The following ADAMTS18 variants were observed in gnomAD, a reference collection of about 807,000 sequenced individuals.
The protein encoded by ADAMTS18 is A disintegrin and metalloproteinase with thrombospondin motifs 18.
Under a neutral mutation model 165.9 loss-of-function variants are expected in ADAMTS18, and 157 were observed. That is an observed-to-expected ratio of 0.95 (90% CI 0.83 to 1.08). The LOEUF (loss-of-function observed/expected upper bound fraction) is 1.08. Among genes scored for constraint, ADAMTS18 ranks in the 50% least tolerant of loss-of-function variants. The pLI is 0.00. For missense variants in ADAMTS18, 2,040 were observed against 1,534.0 expected (o/e 1.33, Z -5.51); for synonymous variants, 782 against 578.2 (o/e 1.35, Z -5.06).
intron 10 of ADAMTS18, among the ~76,000 whole-genome samples, chr16:77,352,672 G>C (rs2056572539): frequency 6.6e-6 from 1 of 152,116 alleles, no homozygotes; most frequent in Admixed American, 6.5e-5. Flanking sequence ...GGAATAGGGA[G>C]AGAAAGAGGA....
intron 22 of ADAMTS18, among the ~76,000 whole-genome samples, chr16:77,287,266 A>G (rs1280805742): frequency 1.3e-5 from 2 of 152,086 alleles, no homozygotes; most frequent in Non-Finnish European, 2.9e-5. Context: ...CTGCTCACTA[A>G]TGTTTTCTGA....
chr16:77,367,872 T>C (rs1438942252), intron 3 of ADAMTS18, 149 bp from the exon 4 acceptor site: 4 of 884,236 alleles, frequency 4.5e-6, no homozygotes, highest in Non-Finnish European at 7.3e-6. Flanking sequence ...ATCTGCACCA[T>C]TACAACGAGT....
At chr16:77,391,491 CAA>C (rs35087282) in intron 3 of ADAMTS18, among the ~76,000 whole-genome samples, 1 of 133,196 alleles carries the variant, frequency 7.5e-6, no homozygotes, top group Non-Finnish European at 1.6e-5. Context: ...GACTCAGTCT[CAA>C]AAAAAAAAAA....
At chr16:77,288,081 TTGAG>T (rs2055290128) in intron 22 of ADAMTS18, among the ~76,000 whole-genome samples, 1 of 152,166 alleles carries the variant, frequency 6.6e-6, no homozygotes, top group Non-Finnish European at 1.5e-5. Flanking sequence ...TTAAGACTTA[TTGAG>T]TACCTGTTGC....
intron 3 of ADAMTS18, among the ~76,000 whole-genome samples, chr16:77,371,387 T>C (rs2056874192): frequency 6.6e-6 from 1 of 152,026 alleles, no homozygotes; most frequent in Non-Finnish European, 1.5e-5. Flanking sequence ...TGAAATATAC[T>C]AGAAAGCTAC....
At chr16:77,313,760 C>T (rs1294364736) in intron 16 of ADAMTS18, among the ~76,000 whole-genome samples, 2 of 152,098 alleles carry the variant, frequency 1.3e-5, no homozygotes, top group Admixed American at 6.5e-5. Flanking sequence ...GGATCGAAGG[C>T]CTCTTGGCAA....
chr16:77,306,098 C>T (rs2055677317), intron 16 of ADAMTS18, among the ~76,000 whole-genome samples: 2 of 152,170 alleles, frequency 1.3e-5, no homozygotes, highest in South Asian at 4.1e-4. Context: ...CTGTTAAATG[C>T]ACAAATTTGG....
At chr16:77,335,961 G>T (rs1402376229) in intron 11 of ADAMTS18, 57 bp from the exon 12 acceptor site, 33 of 1,606,792 alleles carry the variant, frequency 2.1e-5, no homozygotes, top group Non-Finnish European at 2.6e-5. Flanking sequence ...AAAGCGCAGG[G>T]AGTTGCCAAC....
At chr16:77,287,528 A>C (rs924734111) in intron 22 of ADAMTS18, among the ~76,000 whole-genome samples, 8 of 152,076 alleles carry the variant, frequency 5.3e-5, no homozygotes, top group Non-Finnish European at 8.8e-5. Context: ...CCCAGGCTGG[A>C]GTGCAGTGGT....
chr16:77,382,700 C>T (rs1361397429), intron 3 of ADAMTS18, among the ~76,000 whole-genome samples: 1 of 152,196 alleles, frequency 6.6e-6, no homozygotes. Context: ...ATTTGGAAAA[C>T]ACATGACTGC....
chr16:77,331,214 T>C (rs377758694), intron 12 of ADAMTS18, among the ~76,000 whole-genome samples: 21 of 152,260 alleles, frequency 1.4e-4, no homozygotes, highest in Non-Finnish European at 2.9e-4. Context: ...CCTACAGATA[T>C]GAGAGAGGTT....
intron 3 of ADAMTS18, among the ~76,000 whole-genome samples, chr16:77,396,008 C>T (rs1463842961): frequency 1.3e-5 from 2 of 152,164 alleles, no homozygotes; most frequent in Admixed American, 6.5e-5. Flanking sequence ...TAACAGCACC[C>T]TAGGGTAGGG....
intron 16 of ADAMTS18, among the ~76,000 whole-genome samples, chr16:77,303,863 A>G (rs1359801490): frequency 6.6e-6 from 1 of 152,156 alleles, no homozygotes; most frequent in African/African-American, 2.4e-5. Flanking sequence ...CCCCATCTCT[A>G]CTAAAAATAT....
intron 16 of ADAMTS18, among the ~76,000 whole-genome samples, chr16:77,303,907 G>A (rs2055634710): frequency 6.6e-6 from 1 of 152,116 alleles, no homozygotes; most frequent in African/African-American, 2.4e-5. Flanking sequence ...GTGGGCACCT[G>A]TAGTCCCACC....
At chr16:77,326,133 C>G in intron 12 of ADAMTS18, 95 bp from the exon 13 acceptor site, 1 of 1,215,980 alleles carries the variant, frequency 8.2e-7, no homozygotes, top group Non-Finnish European at 1.2e-6. Context: ...AAGATGAGCA[C>G]TGCCACAGTG....
rs756784412 is a variant in ADAMTS18 at position 77,359,414 on chromosome 16, G to A, written c.1226C>T (p.Pro409Leu). The A allele has an allele frequency of 6.2e-7, 1 of 1,613,542 alleles. No homozygotes were observed. The highest frequency in any genetic ancestry group is 1.7e-5 in the Admixed American group (1 of 59,946). Residue 409 changes from proline to leucine, a missense_variant, in exon 8 of 23, where the codon CCC (proline) becomes CTC (leucine). By Grantham distance (98) the Pro-to-Leu change is moderately conservative. Transcript: ENST00000282849. ...NEPCDTLGFAPISGMCSKYRS... is the reference protein window; with the variant it reads ...NEPCDTLGFALISGMCSKYRS... Reference sequence around the variant, plus strand: ...GTACTTAGAGCACATTCCACTGATGGGGGCAAACCCTATTGAAAGAGCAGT... The same window carrying A: ...GTACTTAGAGCACATTCCACTGATGAGGGCAAACCCTATTGAAAGAGCAGT...
rs542869380 is a variant in ADAMTS18, at chr16:77,369,855, C to T, written c.496-2132G>A. On this transcript the variant is annotated intron_variant, in intron 3 of 22. Coordinates refer to ENST00000282849, the MANE Select transcript of ADAMTS18 (RefSeq NM_199355.4). ...AATCCTCAACAAAATACTAGCAAAC[C>T]AAATTCAACAGCACATTAAACAGAT... Among the ~76,000 whole-genome samples the T allele has an allele frequency of 1.3e-5, 2 of 152,124 alleles. 1 individual carries two copies. Among genetic ancestry groups the T allele is most frequent in the Non-Finnish European group, 2.9e-5 (2 of 68,030 alleles).
chr16:77,364,103 A>T lies in ADAMTS18; in HGVS notation c.972+85T>A, dbSNP rs141828718. On this transcript the variant is annotated intron_variant, in intron 5 of 22. Coordinates refer to ENST00000282849, the MANE Select transcript of ADAMTS18 (RefSeq NM_199355.4). ...GCAATTACATTTGCACCGACCTAAT[A>T]CACCTGCTATTCAACCCATGCAAGA... 466 of 1,547,420 alleles carry T rather than the reference A, an allele frequency of 3.0e-4. 1 individual carries two copies. In the African/African-American group the frequency reaches 5.4e-3, roughly 18 times the overall value.
chr16:77,397,360 C>T (rs1369308792), intron 3 of ADAMTS18, among the ~76,000 whole-genome samples: 1 of 152,150 alleles, frequency 6.6e-6, no homozygotes, highest in Non-Finnish European at 1.5e-5. Flanking sequence ...TTCCCACAGG[C>T]CATGGCTATA....
Sources: allele counts gnomAD v4.1 joint callset (sites outside exome capture counted in the v4.1 genomes callset), GRCh38; gene constraint gnomAD v4.1.1; transcripts MANE v1.5; gene names NCBI Gene and HGNC (gene_info 2026-07-23, HGNC 2026-07-21).